RAC2: variants seen among roughly 807,000 people sequenced by gnomAD.
The protein encoded by RAC2 is Rac family small GTPase 2, also known as ras-related C3 botulinum toxin substrate 2.
A neutral mutation model predicts 24.0 loss-of-function variants in RAC2; 1 was observed. That is an observed-to-expected ratio of 0.04 (90% CI 0.01 to 0.20). The LOEUF is 0.20. RAC2 is among the 10% of genes least tolerant of loss of function. The probability of loss-of-function intolerance (pLI) is 1.00; values close to 1 mark genes in which losing one functional copy is unlikely to be tolerated. For synonymous variants in RAC2, 114 were observed against 106.8 expected (o/e 1.07, Z -0.41); for missense variants, 130 against 259.1 (o/e 0.50, Z 3.42).
chr22:37,229,644 C>G (rs1215917548), intron 5 of RAC2, among the ~76,000 whole-genome samples: 2 of 152,200 alleles, frequency 1.3e-5, no homozygotes, highest in African/African-American at 4.8e-5. Flanking sequence ...CAGGACTCCC[C>G]CTAGGCCTAA....
rs146632090 is a variant in RAC2 at position 37,229,613 on chromosome 22, C to G, written c.448+1618G>C. Among the ~76,000 whole-genome samples the G allele has an allele frequency of 4.2e-3, 643 of 152,276 alleles. 4 individuals carry two copies. Among genetic ancestry groups the G allele is most frequent in the African/African-American group, 0.015 (610 of 41,526 alleles). On this transcript the variant is annotated intron_variant, in intron 5 of 6. Transcript: ENST00000249071. ...GGGCAGAGGCAGTTGCTGCTTCCCT[C>G]ACTATCCCTGCCAGTCCCCCCAGGA...
chr22:37,227,418 A>G (rs959935915), intron 5 of RAC2, among the ~76,000 whole-genome samples: 210 of 5,716 alleles, frequency 0.037, no homozygotes, highest in Middle Eastern at 0.062. Context: ...CCCCTCCCAC[A>G]CCATACACTC....
chr22:37,231,505 G>A lies in RAC2; in HGVS notation c.289-115C>T. The A allele has an allele frequency of 2.0e-6, 2 of 998,312 alleles. No individual in the cohort carries two copies. The highest frequency in any genetic ancestry group is 1.4e-5 in the South Asian group (1 of 71,284). 61.8% of individuals were successfully genotyped at this position (998,312 alleles called of 1,614,324 possible). A position where few individuals can be genotyped will look rare whatever the true frequency, so the allele number is the denominator to read the frequency against. On this transcript the variant is annotated intron_variant, in intron 4 of 6. Coordinates refer to ENST00000249071, the MANE Select transcript of RAC2 (RefSeq NM_002872.5). This position sits in a 1 kb window ranked among gnomAD's most constrained non-coding sequence, Gnocchi z 5.5. ...GGAGAGGAGAGGCAGCAAGTTGCCA[G>A]AAGATCAGAGGTGGGCACGACGGTG...
At chr22:37,243,350 C>G (rs1440023478) in intron 1 of RAC2, among the ~76,000 whole-genome samples, 2 of 152,146 alleles carry the variant, frequency 1.3e-5, no homozygotes, top group East Asian at 3.9e-4. Flanking sequence ...GGGGACAAGA[C>G]AGCCTGAAGT....
At position 37,232,834 on chromosome 22, in the gene RAC2, G is replaced by A. The variant is rs772302068; in HGVS notation, c.192C>T (p.Tyr64=). The A allele has an allele frequency of 1.6e-5, 26 of 1,613,910 alleles. No individual in the cohort carries two copies. The highest frequency in any genetic ancestry group is 5.3e-5 in the African/African-American group (4 of 74,916). Residue 64 remains tyrosine, a synonymous_variant, in exon 3 of 7, where the codon TAC becomes TAT. Coordinates refer to ENST00000249071, the MANE Select transcript of RAC2 (RefSeq NM_002872.5). ...GLWDTAGQED[Y]DRLRPLSYPQ... ...GATAGGAGAGCGGCCGGAGACGGTC[G>A]TAGTCCTCCTGCCCAGCAGTGTCCC... is the stretch of plus-strand genomic sequence containing the variant.
Position 37,226,702 on chromosome 22 carries a change from G to T in RAC2, c.550C>A (p.Gln184Lys), listed in dbSNP as rs746891580. Residue 184 changes from glutamine to lysine, a missense_variant, in exon 6 of 7, where the codon CAG (glutamine) becomes AAG (lysine). Physicochemically the swap from Gln to Lys is moderately conservative, Grantham distance 53 (BLOSUM62 1). This residue lies in a region of RAC2 where 119 missense variants were observed against 192.1 expected (regional missense o/e 0.62). Transcript: ENST00000249071. ...AGGAGGCTGCAGGCGCGCTTCTGCT[G>T]CCGCGTGGGCTGAGGGCACAGCACG... ...RAVLCPQPTRQQKRACSLL is the reference protein window; with the variant it reads ...RAVLCPQPTRKQKRACSLL 7 of 1,613,070 alleles carry T rather than the reference G, an allele frequency of 4.3e-6. No individual in the cohort carries two copies. In the South Asian group the frequency reaches 7.7e-5, roughly 18 times the overall value.
intron 6 of RAC2, 133 bp downstream of exon 6, chr22:37,226,538 G>A (rs569771597): frequency 1.1e-5 from 14 of 1,219,418 alleles, no homozygotes; most frequent in African/African-American, 4.5e-5. Context: ...AGTAGGCTGC[G>A]GAAACTGAGG....
rs974084362 is a variant in RAC2, at chr22:37,238,635, G to A, written c.107+2952C>T. Among the ~76,000 whole-genome samples the A allele has an allele frequency of 9.8e-5, 15 of 152,312 alleles. No individual in the cohort carries two copies. The Middle Eastern group carries it at 0.01, about 104-fold the overall frequency. On this transcript the variant is annotated intron_variant, in intron 2 of 6. Transcript: ENST00000249071. ...GCGCCCCTCTATGCCACAGGCACAC[G>A]AGGGCACTGTCTTCCTGCCATGTTT...
chr22:37,243,364 T>C (rs1026533964), intron 1 of RAC2, among the ~76,000 whole-genome samples: 2 of 152,106 alleles, frequency 1.3e-5, no homozygotes, highest in East Asian at 3.9e-4. Flanking sequence ...CTGAAGTCAC[T>C]GGGATCTGAC....
intron 2 of RAC2, among the ~76,000 whole-genome samples, chr22:37,237,567 T>C (rs1927268582): frequency 6.6e-6 from 1 of 152,116 alleles, no homozygotes; most frequent in African/African-American, 2.4e-5. Context: ...GAGGCTGATG[T>C]CATCCTGTCC....
chr22:37,234,324 G>A (rs185088537), intron 2 of RAC2, among the ~76,000 whole-genome samples: 9 of 152,342 alleles, frequency 5.9e-5, no homozygotes, highest in Admixed American at 2.6e-4. Context: ...ACATCCCCGC[G>A]AGGAAGGTGC....
At chr22:37,242,799 T>G (rs1601678310) in intron 1 of RAC2, among the ~76,000 whole-genome samples, 1 of 152,154 alleles carries the variant, frequency 6.6e-6, no homozygotes, top group Non-Finnish European at 1.5e-5. Flanking sequence ...CCTAGATGGG[T>G]CACAGCCAAA....
chr22:37,226,482 C>A (rs1926839373), intron 6 of RAC2, among the ~76,000 whole-genome samples, 189 bp downstream of exon 6: 1 of 152,096 alleles, frequency 6.6e-6, no homozygotes, highest in Non-Finnish European at 1.5e-5. Context: ...GGCCTTGCCT[C>A]TGGAAGATGA....
At chr22:37,234,003 CGAG>C (rs1927151239) in intron 2 of RAC2, among the ~76,000 whole-genome samples, 1 of 152,316 alleles carries the variant, frequency 6.6e-6, no homozygotes, top group African/African-American at 2.4e-5. Flanking sequence ...CACATGCTGC[CGAG>C]GAGATGGTGT....
chr22:37,234,871 T>C (rs1927176381), intron 2 of RAC2, among the ~76,000 whole-genome samples: 1 of 152,200 alleles, frequency 6.6e-6, no homozygotes, highest in African/African-American at 2.4e-5. Flanking sequence ...TTCAAAACCC[T>C]GCCCAGACAA....
At chr22:37,241,142 C>T (rs750103219) in intron 2 of RAC2, 1 of 778,850 alleles carries the variant, frequency 1.3e-6, no homozygotes, top group Non-Finnish European at 2.4e-6. Flanking sequence ...CCGCATCCTG[C>T]AATAGAGCGC....
At chr22:37,230,610 C>A (rs895614671) in intron 5 of RAC2, among the ~76,000 whole-genome samples, 1 of 152,168 alleles carries the variant, frequency 6.6e-6, no homozygotes, top group African/African-American at 2.4e-5. Flanking sequence ...GCTGGGCCAC[C>A]TACTAGCTGG....
At position 37,231,209 on chromosome 22, in the gene RAC2, C is replaced by G. The variant is rs1927049581; in HGVS notation, c.448+22G>C. 5 of 1,612,594 alleles carry G rather than the reference C, an allele frequency of 3.1e-6. No homozygotes were observed. Among genetic ancestry groups the G allele is most frequent in the Non-Finnish European group, 4.2e-6 (5 of 1,179,936 alleles). On this transcript the variant is annotated intron_variant, in intron 5 of 6. Coordinates refer to ENST00000249071, the MANE Select transcript of RAC2 (RefSeq NM_002872.5). This position sits in a 1 kb window ranked among gnomAD's most constrained non-coding sequence, Gnocchi z 5.5. ...GGGCCTCCCCTGCAGCCAGATCGCC[C>G]CTCTGAGCCCGAGGCCCATACCAAT...
chr22:37,238,507 T>C (rs991049088), intron 2 of RAC2, among the ~76,000 whole-genome samples: 1 of 152,246 alleles, frequency 6.6e-6, no homozygotes, highest in African/African-American at 2.4e-5. Flanking sequence ...CCCAAAGTGC[T>C]GGGATTACAG....
Sources: allele counts gnomAD v4.1 joint callset (sites outside exome capture counted in the v4.1 genomes callset), GRCh38; gene constraint gnomAD v4.1.1; regional missense constraint gnomAD v4.1.1; non-coding constraint Gnocchi (gnomAD v3.1); transcripts MANE v1.5; gene names NCBI Gene and HGNC (gene_info 2026-07-23, HGNC 2026-07-21).